Variants in SNURF observed in about 807,000 individuals in gnomAD.
The protein encoded by SNURF is SNURF protein.
SNURF carries 6 observed loss-of-function variants against 11.6 expected under a neutral mutation model. The observed-to-expected ratio is 0.52, with a 90% CI of 0.28 to 1.02. The LOEUF is 1.02. Ranked by LOEUF, SNURF falls within the 50% of genes least tolerant of loss-of-function variation. The pLI is 0.09. For missense variants in SNURF, 84 were observed against 88.4 expected (o/e 0.95, Z 0.20); for synonymous variants, 29 against 31.6 (o/e 0.92, Z 0.27).
chr15:24,974,352 T>C (rs2076819385), intron 3 of SNURF: 1 of 1,094,740 alleles, frequency 9.1e-7, no homozygotes. Context: ...CTTGCATTGT[T>C]TCTAGGAGAA....
chr15:24,973,447 G>A (rs1184424168), downstream of SNURF, among the ~76,000 whole-genome samples: 1 of 152,008 alleles, frequency 6.6e-6, no homozygotes, highest in Non-Finnish European at 1.5e-5. Flanking sequence ...GCCCAGGCTG[G>A]AGTGCAGTGG....
intron 3 of SNURF, chr15:24,974,825 C>T (rs984386177): frequency 1.5e-6 from 1 of 670,380 alleles, no homozygotes; most frequent in Non-Finnish European, 2.7e-6. Flanking sequence ...TCCCAAAGTG[C>T]TGGGATTACA....
intron 1 of SNURF, among the ~76,000 whole-genome samples, chr15:24,955,814 TGGC>T (rs1443022994): frequency 6.7e-6 from 1 of 149,078 alleles, no homozygotes; most frequent in East Asian, 2.0e-4. Context: ...TGGTGGACTT[TGGC>T]GGCGGTAGGC....
intron 1 of SNURF, among the ~76,000 whole-genome samples, chr15:24,960,548 C>T (rs1184806654): frequency 6.6e-6 from 1 of 152,106 alleles, no homozygotes; most frequent in African/African-American, 2.4e-5. Flanking sequence ...AGCTGGTCTC[C>T]TGAGCTCAAG....
intron 3 of SNURF, chr15:24,975,265 C>A (rs1394890605): frequency 1.5e-5 from 15 of 989,206 alleles, no homozygotes; most frequent in Non-Finnish European, 2.0e-5. Flanking sequence ...GGAAACCAGG[C>A]TTAGATTATG....
chr15:24,970,952 A>G (rs749336431), downstream of SNURF, among the ~76,000 whole-genome samples: 9 of 152,116 alleles, frequency 5.9e-5, no homozygotes, highest in Admixed American at 1.3e-4. Context: ...GAGGATCTCT[A>G]TGGAGACCCT....
At chr15:24,971,559 T>A (rs561233170), downstream of SNURF, among the ~76,000 whole-genome samples, 36 of 151,798 alleles carry the variant, frequency 2.4e-4, no homozygotes, top group Admixed American at 2.6e-4. Flanking sequence ...AAATATAAAA[T>A]AATAATCTGT....
At chr15:24,975,530 TG>T in intron 4 of SNURF, 1 of 1,608,108 alleles carries the variant, frequency 6.2e-7, no homozygotes, top group African/African-American at 1.3e-5. Flanking sequence ...TTTGGGCAAA[TG>T]GGGGTTGGAC....
intron 1 of SNURF, among the ~76,000 whole-genome samples, chr15:24,956,042 G>A (rs1004468224): frequency 1.3e-5 from 2 of 152,108 alleles, no homozygotes; most frequent in East Asian, 3.9e-4. Flanking sequence ...TTAAAACTGC[G>A]CAATGCCTAC....
chr15:24,955,182 T>C (rs2062634816), intron 1 of SNURF, 120 bp downstream of exon 1: 21 of 1,360,498 alleles, frequency 1.5e-5, no homozygotes, highest in Non-Finnish European at 2.1e-5. Context: ...GGCCCTAAAG[T>C]CCTTTGTTCT....
Position 24,957,887 on chromosome 15 carries a change from T to A in SNURF, c.14+2825T>A, listed in dbSNP as rs73354187. Among the ~76,000 whole-genome samples the A allele has an allele frequency of 2.7e-3, 408 of 152,282 alleles. 1 individual carries two copies. The highest frequency in any genetic ancestry group is 9.3e-3 in the African/African-American group (388 of 41,558). On this transcript the variant is annotated intron_variant, in intron 1 of 2. Coordinates refer to ENST00000577949, the Ensembl canonical transcript of SNURF. ...AGGCCCGGGATCCTAATATGGCAGA[T>A]CCCTTTGGAAAGGCCTCTTGAAGTT... is the stretch of plus-strand genomic sequence containing the variant.
At chr15:24,970,746 G>A (rs1472230857), downstream of SNURF, among the ~76,000 whole-genome samples, 2 of 152,110 alleles carry the variant, frequency 1.3e-5, no homozygotes, top group African/African-American at 2.4e-5. Flanking sequence ...CATGAGAAGT[G>A]CTGATGGCCA....
intron 1 of SNURF, among the ~76,000 whole-genome samples, chr15:24,959,689 C>T (rs2074452486): frequency 6.6e-6 from 1 of 152,106 alleles, no homozygotes; most frequent in African/African-American, 2.4e-5. Flanking sequence ...TGTGTGCCCA[C>T]CATAATGTAG....
At chr15:24,970,032 ACAC>A (rs1449357030), downstream of SNURF, among the ~76,000 whole-genome samples, 1 of 152,196 alleles carries the variant, frequency 6.6e-6, no homozygotes, top group Non-Finnish European at 1.5e-5. Flanking sequence ...AAAGAAGAAA[ACAC>A]CAAAGTGGGG....
chr15:24,959,424 C>G (rs1380469065), intron 1 of SNURF, among the ~76,000 whole-genome samples: 2 of 152,060 alleles, frequency 1.3e-5, no homozygotes, highest in Admixed American at 1.3e-4. Flanking sequence ...CCTGGGAGTT[C>G]AAGCTTGGGT....
rs1340993280 is a variant in SNURF at position 24,958,082 on chromosome 15, T to C, written c.14+3020T>C. On this transcript the variant is annotated intron_variant, in intron 1 of 2. Coordinates refer to ENST00000577949, the Ensembl canonical transcript of SNURF. ...TTGGATTTATTCACAGACCTTGCCTTATCTTGATTTCACTATTCTATCTGA... is the reference window on the plus strand; with the variant it reads ...TTGGATTTATTCACAGACCTTGCCTCATCTTGATTTCACTATTCTATCTGA... Among the ~76,000 whole-genome samples, 3 of 152,180 alleles carry C rather than the reference T, an allele frequency of 2.0e-5. No individual in the cohort carries two copies. The East Asian group carries it at 5.8e-4, about 29-fold the overall frequency.
At chr15:24,956,355 G>A (rs958229212) in intron 1 of SNURF, among the ~76,000 whole-genome samples, 10 of 66,050 alleles carry the variant, frequency 1.5e-4, no homozygotes, top group Admixed American at 1.3e-3. Context: ...GCGCTTCAGC[G>A]GGGGGGTGGC....
intron 1 of SNURF, among the ~76,000 whole-genome samples, chr15:24,955,441 C>T (rs759356542): frequency 2.6e-5 from 4 of 151,382 alleles, no homozygotes; most frequent in Non-Finnish European, 4.4e-5. Flanking sequence ...GGCGAGGGTA[C>T]GTGGGGGGAC....
At chr15:24,965,405 T>C (rs1250477858) in intron 2 of SNURF, among the ~76,000 whole-genome samples, 1 of 152,038 alleles carries the variant, frequency 6.6e-6, no homozygotes, top group Non-Finnish European at 1.5e-5. Context: ...GGTGTGGTAG[T>C]GTGCACCTGT....
Sources: allele counts gnomAD v4.1 joint callset (sites outside exome capture counted in the v4.1 genomes callset), GRCh38; gene constraint gnomAD v4.1.1; transcripts MANE v1.5; gene names NCBI Gene and HGNC (gene_info 2026-07-23, HGNC 2026-07-21).